Variants in IGBP1C observed in about 807,000 individuals in gnomAD.
The protein encoded by IGBP1C is immunoglobulin-binding protein 1 family member C.
chr17:58,681,421 G>C, the IGBP1C span, among the ~76,000 whole-genome samples: 1 of 152,142 alleles, frequency 6.6e-6, no homozygotes, highest in South Asian at 2.1e-4. Context: ...TGTTCTGACA[G>C]TCTATCAGTT....
chr17:58,688,189 C>T, the IGBP1C span, among the ~76,000 whole-genome samples: 3 of 151,960 alleles, frequency 2.0e-5, no homozygotes, highest in African/African-American at 7.3e-5. Context: ...GTCATAATAT[C>T]GGCTCACTGC....
chr17:58,662,189 C>T, the IGBP1C span, among the ~76,000 whole-genome samples: 1 of 151,372 alleles, frequency 6.6e-6, no homozygotes, highest in East Asian at 2.0e-4. Flanking sequence ...CGGTGGCTCA[C>T]TCCTGTAATC....
chr17:58,685,623 G>A, the IGBP1C span, among the ~76,000 whole-genome samples: 1 of 151,494 alleles, frequency 6.6e-6, no homozygotes, highest in Non-Finnish European at 1.5e-5. Flanking sequence ...AAAGGAAGAA[G>A]GTAAAGAGGA....
At chr17:58,682,065 G>A in the IGBP1C span, among the ~76,000 whole-genome samples, 3 of 151,856 alleles carry the variant, frequency 2.0e-5, no homozygotes, top group Admixed American at 6.6e-5. Flanking sequence ...GGGGTCAAGT[G>A]AGCCTCCTGA....
At chr17:58,668,781 T>C in the IGBP1C span, among the ~76,000 whole-genome samples, 3 of 152,142 alleles carry the variant, frequency 2.0e-5, no homozygotes, top group African/African-American at 7.2e-5. Context: ...CTAGGTGAAC[T>C]GCTATGCGAG....
At chr17:58,661,339 T>C in the IGBP1C span, 1 of 895,694 alleles carries the variant, frequency 1.1e-6, no homozygotes, top group Non-Finnish European at 1.9e-6. Flanking sequence ...TGAGGGCTCC[T>C]TGAAACGCTG....
the IGBP1C span, chr17:58,677,520 A>AAAC: frequency 2.0e-5 from 3 of 152,264 alleles, no homozygotes; most frequent in Admixed American, 2.0e-4. Flanking sequence ...AGGAGAAGCC[A>AAAC]AACACGGCCA....
At chr17:58,681,735 C>T in the IGBP1C span, among the ~76,000 whole-genome samples, 1 of 151,836 alleles carries the variant, frequency 6.6e-6, no homozygotes, top group Non-Finnish European at 1.5e-5. Flanking sequence ...CCCAGCTACC[C>T]AGGAGGCTGA....
chr17:58,674,056 C>T, the IGBP1C span, among the ~76,000 whole-genome samples: 1 of 151,976 alleles, frequency 6.6e-6, no homozygotes, highest in African/African-American at 2.4e-5. Context: ...GGCAGATTGC[C>T]TGAGATCAGG....
the IGBP1C span, among the ~76,000 whole-genome samples, chr17:58,681,142 G>A: frequency 2.0e-5 from 3 of 152,186 alleles, no homozygotes; most frequent in South Asian, 6.2e-4. Context: ...CGGGCATGCT[G>A]GTGGGCACCT....
chr17:58,665,369 T>A, the IGBP1C span, among the ~76,000 whole-genome samples: 1 of 150,888 alleles, frequency 6.6e-6, no homozygotes, highest in Admixed American at 6.6e-5. Context: ...TTTGGGAGGC[T>A]GAGGCAGGAT....
the IGBP1C span, among the ~76,000 whole-genome samples, chr17:58,690,909 C>A: frequency 6.6e-6 from 1 of 152,174 alleles, no homozygotes; most frequent in Non-Finnish European, 1.5e-5. Flanking sequence ...CTCTATCACC[C>A]AAGCTGGAGT....
the IGBP1C span, among the ~76,000 whole-genome samples, chr17:58,670,782 A>C: frequency 2.0e-5 from 3 of 150,448 alleles, no homozygotes; most frequent in East Asian, 1.9e-4. Context: ...TAAAAAAAAA[A>C]AAAAAAAAAA....
the IGBP1C span, among the ~76,000 whole-genome samples, chr17:58,665,971 C>T: frequency 6.6e-6 from 1 of 151,724 alleles, no homozygotes; most frequent in African/African-American, 2.4e-5. Context: ...ATCGCTTCAA[C>T]CTAGGAGGCG....
the IGBP1C span, among the ~76,000 whole-genome samples, chr17:58,687,648 T>C: frequency 2.0e-5 from 3 of 152,112 alleles, no homozygotes; most frequent in Admixed American, 6.6e-5. Context: ...CACCATTTTT[T>C]AAAGTTCTAT....
the IGBP1C span, among the ~76,000 whole-genome samples, chr17:58,674,649 G>A: frequency 0.011 from 1,745 of 152,212 alleles, 15 homozygotes; most frequent in Middle Eastern, 0.041. Context: ...CAGCCTGGGT[G>A]ACAGAGTGAG....
At chr17:58,689,455 A>C in the IGBP1C span, among the ~76,000 whole-genome samples, 6 of 150,416 alleles carry the variant, frequency 4.0e-5, no homozygotes, top group African/African-American at 1.5e-4. Flanking sequence ...TCTTGACCTC[A>C]TGATCCACCC....
the IGBP1C span, among the ~76,000 whole-genome samples, chr17:58,689,797 A>C: frequency 2.6e-5 from 4 of 152,080 alleles, no homozygotes; most frequent in South Asian, 6.2e-4. Context: ...TGCATTAAAG[A>C]CATCTTAAGA....
At chr17:58,685,087 T>G in the IGBP1C span, among the ~76,000 whole-genome samples, 1 of 152,184 alleles carries the variant, frequency 6.6e-6, no homozygotes, top group African/African-American at 2.4e-5. Flanking sequence ...AAAAATCCAT[T>G]TATAATTTTG....
Sources: allele counts gnomAD v4.1 joint callset (sites outside exome capture counted in the v4.1 genomes callset), GRCh38; gene constraint gnomAD v4.1.1; transcripts MANE v1.5; gene names NCBI Gene and HGNC (gene_info 2026-07-23, HGNC 2026-07-21).